The following CCDC18 variants were observed in gnomAD, a reference collection of about 807,000 sequenced individuals.
CCDC18 encodes coiled-coil domain containing 18.
Under a neutral mutation model 196.0 loss-of-function variants are expected in CCDC18, and 157 were observed. The ratio of observed to expected loss-of-function variants is 0.80; its 90% CI spans 0.70 to 0.91. The LOEUF is 0.91. Among genes scored for constraint, CCDC18 ranks in the 40% least tolerant of loss-of-function variants. The pLI is 0.00. For missense variants in CCDC18, 1,465 were observed against 1,611.6 expected, an observed-to-expected ratio of 0.91 and a Z score of 1.56; for synonymous variants, 482 against 529.2, an observed-to-expected ratio of 0.91 and a Z score of 1.22.
intron 6 of CCDC18, 31 bp downstream of exon 6, chr1:93,193,775 T>G: frequency 6.6e-7 from 1 of 1,509,322 alleles, no homozygotes; most frequent in Non-Finnish European, 8.8e-7. Context: ...TACATGTTTT[T>G]GAAAGGGAAT....
chr1:93,268,459 CA>C, intron 27 of CCDC18, among the ~76,000 whole-genome samples: 1 of 152,232 alleles, frequency 6.6e-6, no homozygotes, highest in Non-Finnish European at 1.5e-5. Flanking sequence ...AGCTTCTGCA[CA>C]GCAAAAGAAA....
intron 11 of CCDC18, among the ~76,000 whole-genome samples, chr1:93,213,774 A>G (rs1656057938): frequency 6.6e-6 from 1 of 152,212 alleles, no homozygotes; most frequent in Admixed American, 6.5e-5. Context: ...TATCTTGGTG[A>G]ATGTTCCAAG....
At chr1:93,262,631 G>A (rs1202646734) in intron 26 of CCDC18, among the ~76,000 whole-genome samples, 3 of 152,216 alleles carry the variant, frequency 2.0e-5, no homozygotes, top group African/African-American at 7.2e-5. Flanking sequence ...GCAGGGTACA[G>A]CCCCTGTGGC....
At chr1:93,219,772 G>A in intron 14 of CCDC18, among the ~76,000 whole-genome samples, 1 of 152,182 alleles carries the variant, frequency 6.6e-6, no homozygotes, top group Non-Finnish European at 1.5e-5. Context: ...TAATTTAGAT[G>A]AGCTTAACAG....
At chr1:93,271,342 T>C (rs949847039) in intron 28 of CCDC18, 2 of 984,804 alleles carry the variant, frequency 2.0e-6, no homozygotes, top group African/African-American at 1.7e-5. Flanking sequence ...AAAATATTTA[T>C]ATTCATCTTT....
At chr1:93,187,315 C>CT (rs1557597861) in intron 4 of CCDC18, among the ~76,000 whole-genome samples, 1 of 151,926 alleles carries the variant, frequency 6.6e-6, no homozygotes, top group African/African-American at 2.4e-5. Context: ...AAAACAGTGT[C>CT]TATGTGTAGT....
chr1:93,213,595 A>G (rs901775583), intron 11 of CCDC18, among the ~76,000 whole-genome samples: 2 of 151,996 alleles, frequency 1.3e-5, no homozygotes, highest in African/African-American at 2.4e-5. Context: ...CAAAATAGTT[A>G]TCTCTTGTGA....
chr1:93,234,068 G>A (rs567147002), intron 18 of CCDC18, among the ~76,000 whole-genome samples: 1 of 151,948 alleles, frequency 6.6e-6, no homozygotes, highest in African/African-American at 2.4e-5. Context: ...GTTCTTGCAG[G>A]ATTGATTATG....
At chr1:93,250,273 T>C (rs1439917765) in intron 23 of CCDC18, among the ~76,000 whole-genome samples, 1 of 149,082 alleles carries the variant, frequency 6.7e-6, no homozygotes, top group African/African-American at 2.5e-5. Flanking sequence ...CCCAGCTACT[T>C]GGGAGGCTGA....
intron 6 of CCDC18, 144 bp downstream of exon 6, chr1:93,193,888 T>A: frequency 1.8e-6 from 1 of 549,860 alleles, no homozygotes; most frequent in East Asian, 4.0e-5. Context: ...TATCTATTAA[T>A]TTTTTTAAAT....
At chr1:93,200,507 G>C (rs146411859) in intron 6 of CCDC18, among the ~76,000 whole-genome samples, 12 of 152,212 alleles carry the variant, frequency 7.9e-5, no homozygotes, top group African/African-American at 2.6e-4. Context: ...GTGTCTCTTA[G>C]AATAGATGAA....
At chr1:93,203,825 T>C (rs1217536376) in intron 7 of CCDC18, among the ~76,000 whole-genome samples, 1 of 151,942 alleles carries the variant, frequency 6.6e-6, no homozygotes, top group Non-Finnish European at 1.5e-5. Context: ...AGCAAGACCC[T>C]GTCTGTAAAA....
intron 28 of CCDC18, among the ~76,000 whole-genome samples, chr1:93,275,886 G>C (rs1181614517): frequency 6.6e-6 from 1 of 152,212 alleles, no homozygotes; most frequent in Non-Finnish European, 1.5e-5. Flanking sequence ...TCTTTGGTAT[G>C]ATGAGTGACA....
rs1490072499 is a variant in CCDC18, at chr1:93,180,783, C to T, written c.-72C>T. 7.3e-7 allele frequency: 1 copy of T among 1,367,746 alleles called. No homozygotes were observed. The allele number at this position is 1,367,746 out of a possible 1,614,324, so 84.7% of individuals were successfully genotyped here. On this transcript the variant is annotated 5_prime_UTR_variant, in exon 1 of 29. It adds an upstream start codon to the 5' untranslated region. Coordinates refer to ENST00000690025, the MANE Select transcript of CCDC18 (RefSeq NM_001378204.1). ...CTCCGAGTTGTGTCCGAGGCTTCCA[C>T]GCGCAGGGGCCCGGGAAAGGGTCAG...
rs748329007 is a variant in CCDC18, at chr1:93,257,499, C to CA, written c.3546+973dup. Among the ~76,000 whole-genome samples the CA allele has an allele frequency of 1.3e-3, 189 of 142,170 alleles. 2 individuals carry two copies. The Middle Eastern group carries it at 0.015, about 11-fold the overall frequency. 93.3% of individuals were successfully genotyped at this position (142,170 alleles called of 152,430 possible). On this transcript the variant is annotated intron_variant, in intron 25 of 28. Transcript: ENST00000690025. ...AAGAAAAATGTGTTTATTGATGTTG[C>CA]AAAAAAAAAAAATTCAGCTTTCCAT...
At chr1:93,186,778 G>C (rs1309545672) in intron 4 of CCDC18, among the ~76,000 whole-genome samples, 3 of 151,828 alleles carry the variant, frequency 2.0e-5, no homozygotes, top group African/African-American at 7.3e-5. Context: ...TTATACAAAG[G>C]AAGTATAACT....
At position 93,278,501 on chromosome 1, in the gene CCDC18, G is replaced by GA; in HGVS notation, c.*30dup. ...AATTCAAAGAAGATACTGATGTGTT[G>GA]AAAAAATGGAATTTTTGGTACTGTG... On this transcript the variant is annotated 3_prime_UTR_variant, in exon 29 of 29. Transcript: ENST00000690025. 7.9e-7 allele frequency: 1 copy of GA among 1,257,890 alleles called. No homozygotes were observed. Among genetic ancestry groups the GA allele is most frequent in the Non-Finnish European group, 1.1e-6 (1 of 930,144 alleles). 77.9% of individuals were successfully genotyped at this position (1,257,890 alleles called of 1,614,324 possible). A position where few individuals can be genotyped will look rare whatever the true frequency, so the allele number is the denominator to read the frequency against.
At chr1:93,267,647 G>A (rs1028105191) in intron 27 of CCDC18, among the ~76,000 whole-genome samples, 4 of 152,130 alleles carry the variant, frequency 2.6e-5, no homozygotes, top group Middle Eastern at 3.4e-3. Context: ...ACCAATAACC[G>A]ACCAACAGAG....
chr1:93,214,320 A>T (rs1656144799), intron 11 of CCDC18, among the ~76,000 whole-genome samples: 1 of 152,182 alleles, frequency 6.6e-6, no homozygotes, highest in African/African-American at 2.4e-5. Context: ...GGAGCTTTTG[A>T]ACCTGCTTCT....
Sources: allele counts gnomAD v4.1 joint callset (sites outside exome capture counted in the v4.1 genomes callset), GRCh38; gene constraint gnomAD v4.1.1; transcripts MANE v1.5; gene names NCBI Gene and HGNC (gene_info 2026-07-23, HGNC 2026-07-21).